Variants in CDH18 observed in about 807,000 individuals in gnomAD.
CDH18 encodes the protein cadherin-18.
Under a neutral mutation model 67.9 loss-of-function variants are expected in CDH18, and 31 were observed. The observed-to-expected ratio is 0.46, with a 90% CI of 0.34 to 0.62. The LOEUF (loss-of-function observed/expected upper bound fraction) is 0.62, where lower values mean the gene tolerates loss of function less well. Ranked by LOEUF, CDH18 falls within the 20% of genes least tolerant of loss-of-function variation. The probability of loss-of-function intolerance (pLI) is 0.01; values close to 1 mark genes in which losing one functional copy is unlikely to be tolerated. For missense variants in CDH18, 890 were observed against 975.5 expected (o/e 0.91, Z 1.17); for synonymous variants, 362 against 347.2 (o/e 1.04, Z -0.48).
intron 2 of CDH18, among the ~76,000 whole-genome samples, chr5:20,090,937 T>A (rs1177010110): frequency 6.6e-6 from 1 of 151,518 alleles, no homozygotes; most frequent in Non-Finnish European, 1.5e-5. Context: ...TAGTCCCAGC[T>A]ATTCAGGGAG....
At chr5:19,779,658 C>T (rs16899244) in intron 3 of CDH18, among the ~76,000 whole-genome samples, 1 of 152,076 alleles carries the variant, frequency 6.6e-6, no homozygotes, top group Non-Finnish European at 1.5e-5. Flanking sequence ...ACCAAAGTTG[C>T]ACATCTTACT....
At chr5:20,127,048 C>G (rs1290242603) in intron 2 of CDH18, among the ~76,000 whole-genome samples, 2 of 152,018 alleles carry the variant, frequency 1.3e-5, no homozygotes, top group East Asian at 3.9e-4. Flanking sequence ...GCTCTGTGTC[C>G]CCACCCAAAT....
intron 2 of CDH18, among the ~76,000 whole-genome samples, chr5:19,874,315 G>C (rs1055278224): frequency 6.6e-6 from 1 of 152,100 alleles, no homozygotes; most frequent in Admixed American, 6.6e-5. Context: ...TATTACATCT[G>C]ATTCTAATCG....
rs557387535 is a variant in CDH18 at position 19,753,998 on chromosome 5, TC to T, written c.229-6763del. Among the ~76,000 whole-genome samples the T allele has an allele frequency of 1.6e-4, 24 of 152,106 alleles. No homozygotes were observed. In the South Asian group the frequency reaches 3.5e-3, roughly 22 times the overall value. ...AAGGAGCTCTAAATCTTGAAACAAA[TC>T]CTTGAAACGCATCAAAACGGAACCT... is the stretch of plus-strand genomic sequence containing the variant. On this transcript the variant is annotated intron_variant, in intron 3 of 12. Coordinates refer to ENST00000382275, the MANE Select transcript of CDH18 (RefSeq NM_004934.5).
At chr5:20,013,172 C>CGATG (rs1737604529) in intron 2 of CDH18, among the ~76,000 whole-genome samples, 1 of 151,980 alleles carries the variant, frequency 6.6e-6, no homozygotes, top group South Asian at 2.1e-4. Context: ...AATATACACC[C>CGATG]GATGTTTGCT....
At position 20,203,550 on chromosome 5, in the gene CDH18, CA is replaced by C. The variant is rs563194510; in HGVS notation, c.-518+51893del. Among the ~76,000 whole-genome samples the C allele has an allele frequency of 7.6e-5, 11 of 145,322 alleles. No homozygotes were observed. The South Asian group carries it at 2.4e-3, about 31-fold the overall frequency. ...CTGGGCTTGAAGCACCACTGAGTGGCAAAAAGGAGGCAGTGACCTAGTGGAG... is the reference window on the plus strand; with the variant it reads ...CTGGGCTTGAAGCACCACTGAGTGGCAAAAGGAGGCAGTGACCTAGTGGAG... On this transcript the variant is annotated intron_variant, in intron 2 of 14. Coordinates refer to the CDH18 transcript ENST00000507958.
chr5:20,045,578 CATATAT>C (rs140756473), intron 2 of CDH18, among the ~76,000 whole-genome samples: 5 of 149,376 alleles, frequency 3.3e-5, no homozygotes, highest in Admixed American at 6.7e-5. Context: ...ATAGAAAACA[CATATAT>C]ATATATATAT....
At chr5:20,054,841 C>T (rs1306952530) in intron 2 of CDH18, among the ~76,000 whole-genome samples, 1 of 152,090 alleles carries the variant, frequency 6.6e-6, no homozygotes, top group Non-Finnish European at 1.5e-5. Context: ...TGCTTTGAGT[C>T]AGGTATTTAG....
At chr5:20,390,052 C>A (rs1744702883) in intron 1 of CDH18, among the ~76,000 whole-genome samples, 1 of 152,146 alleles carries the variant, frequency 6.6e-6, no homozygotes, top group Non-Finnish European at 1.5e-5. Context: ...AAAACCTAGG[C>A]AATACCATTA....
Position 19,994,853 on chromosome 5 carries a change from T to TGGAGAG in CDH18, c.-517-2840_-517-2839insCTCTCC, listed in dbSNP as rs1554078437. Among the ~76,000 whole-genome samples, 275 of 53,210 alleles carry TGGAGAG rather than the reference T, an allele frequency of 5.2e-3. 13 individuals carry two copies. Among genetic ancestry groups the TGGAGAG allele is most frequent in the South Asian group, 0.011 (15 of 1,380 alleles). 34.9% of individuals were successfully genotyped at this position (53,210 alleles called of 152,430 possible). On this transcript the variant is annotated intron_variant, in intron 2 of 14. Coordinates refer to the CDH18 transcript ENST00000507958. ...GAATATATATATATATATATATATA[T>TGGAGAG]ATAGAGAGAGAGAGAGAGAGAGAGA...
chr5:20,097,993 C>T (rs945550950), intron 2 of CDH18, among the ~76,000 whole-genome samples: 2 of 151,820 alleles, frequency 1.3e-5, no homozygotes, highest in Non-Finnish European at 2.9e-5. Context: ...ATAATTTCTT[C>T]ATGTAGGTTC....
At chr5:20,284,950 T>C (rs1273600514) in intron 1 of CDH18, among the ~76,000 whole-genome samples, 3 of 151,878 alleles carry the variant, frequency 2.0e-5, no homozygotes, top group Admixed American at 1.3e-4. Context: ...CTTGAAAAAC[T>C]CTTACATAGA....
intron 2 of CDH18, among the ~76,000 whole-genome samples, chr5:19,933,411 A>G (rs11957732): frequency 0.067 from 10,218 of 151,412 alleles, 950 homozygotes; most frequent in East Asian, 0.21. Flanking sequence ...TTCCTCATCC[A>G]TCATTATTTT....
intron 2 of CDH18, among the ~76,000 whole-genome samples, chr5:20,172,234 A>ATG (rs1736873132): frequency 7.9e-6 from 1 of 126,220 alleles, no homozygotes; most frequent in African/African-American, 3.1e-5. Flanking sequence ...GTATATATAT[A>ATG]TATATGTATA....
At chr5:19,833,768 A>G (rs1159902993) in intron 3 of CDH18, among the ~76,000 whole-genome samples, 2 of 152,130 alleles carry the variant, frequency 1.3e-5, no homozygotes, top group Non-Finnish European at 2.9e-5. Context: ...TTCTCCATCT[A>G]TTGAGATAAT....
intron 2 of CDH18, among the ~76,000 whole-genome samples, chr5:20,172,911 A>C (rs1177706037): frequency 6.6e-6 from 1 of 151,714 alleles, no homozygotes; most frequent in East Asian, 1.9e-4. Flanking sequence ...AAACGTTTGA[A>C]CCCGAGAGGC....
intron 2 of CDH18, among the ~76,000 whole-genome samples, chr5:20,197,595 T>A (rs769343314): frequency 6.6e-6 from 1 of 152,184 alleles, no homozygotes; most frequent in African/African-American, 2.4e-5. Context: ...GCAGTGATCA[T>A]GATTTTGTCC....
chr5:19,670,763 TG>T (rs1324944606), intron 5 of CDH18, among the ~76,000 whole-genome samples: 1 of 152,078 alleles, frequency 6.6e-6, no homozygotes. Context: ...GCAGCACTTC[TG>T]GAGCAAAATG....
At chr5:19,698,517 T>C (rs905832680) in intron 5 of CDH18, among the ~76,000 whole-genome samples, 5 of 152,058 alleles carry the variant, frequency 3.3e-5, no homozygotes, top group African/African-American at 1.2e-4. Context: ...GATAATGATC[T>C]CTAAAACAGC....
Sources: gnomAD v4.1 joint callset for allele counts (sites outside exome capture counted in the v4.1 genomes callset) on GRCh38, gnomAD v4.1.1 for gene constraint, MANE v1.5 for transcripts, NCBI Gene and HGNC (gene_info 2026-07-23, HGNC 2026-07-21) for gene names.